GOLGA4: variants seen among roughly 807,000 people sequenced by gnomAD.
The protein encoded by GOLGA4 is golgin A4.
In GOLGA4, 169 loss-of-function variants were observed where a neutral mutation model predicts 265.9. The ratio of observed to expected loss-of-function variants is 0.64; its 90% CI spans 0.56 to 0.72. The LOEUF (loss-of-function observed/expected upper bound fraction) is 0.72. GOLGA4 is among the 30% of genes least tolerant of loss of function. The pLI is 0.00. For synonymous variants in GOLGA4, 923 were observed against 855.8 expected (o/e 1.08, Z -1.37); for missense variants, 2,482 against 2,483.4 (o/e 1.00, Z 0.01).
chr3:37,357,099 T>TA (rs200987645), intron 22 of GOLGA4, among the ~76,000 whole-genome samples: 32 of 151,394 alleles, frequency 2.1e-4, no homozygotes, highest in African/African-American at 6.8e-4. Flanking sequence ...AAGTTTAACT[T>TA]AAAAAAAAAG....
chr3:37,363,676 C>T (rs1696516553), intron 23 of GOLGA4, among the ~76,000 whole-genome samples: 1 of 152,200 alleles, frequency 6.6e-6, no homozygotes, highest in Non-Finnish European at 1.5e-5. Context: ...CATTTTTCTA[C>T]ATACAGTACA....
At chr3:37,300,176 G>A (rs2096889038) in intron 9 of GOLGA4, among the ~76,000 whole-genome samples, 2 of 152,204 alleles carry the variant, frequency 1.3e-5, no homozygotes, top group East Asian at 3.8e-4. Context: ...TCTTACCTTT[G>A]GTAGTTTGGA....
chr3:37,258,282 GATATATATAGAGCATAT>G (rs2096759844), intron 2 of GOLGA4, among the ~76,000 whole-genome samples: 1 of 147,758 alleles, frequency 6.8e-6, no homozygotes, highest in Non-Finnish European at 1.5e-5. Context: ...GCATATATAT[GATATATATAGAGCATAT>G]ATATATATAG....
At chr3:37,365,440 G>A (rs1696675684) in intron 23 of GOLGA4, among the ~76,000 whole-genome samples, 1 of 151,986 alleles carries the variant, frequency 6.6e-6, no homozygotes. Flanking sequence ...TAATTTTTTT[G>A]TATTTTTAGT....
chr3:37,283,729 G>A (rs76480112), intron 3 of GOLGA4, among the ~76,000 whole-genome samples: 96 of 152,174 alleles, frequency 6.3e-4, no homozygotes, highest in African/African-American at 2.0e-3. Context: ...GTTTTGCTAT[G>A]TTGCCCAGCC....
chr3:37,347,500 A>AGT (rs2097059996), intron 21 of GOLGA4, among the ~76,000 whole-genome samples: 1 of 152,190 alleles, frequency 6.6e-6, no homozygotes, highest in Non-Finnish European at 1.5e-5. Context: ...ATAAAACATT[A>AGT]ATTTTGAAAA....
chr3:37,252,411 C>T (rs1388060239), intron 2 of GOLGA4, among the ~76,000 whole-genome samples: 3 of 150,148 alleles, frequency 2.0e-5, no homozygotes, highest in Non-Finnish European at 3.0e-5. Context: ...CAGGTTTTGG[C>T]TACTATGAAT....
At chr3:37,349,634 T>A (rs969958123) in intron 21 of GOLGA4, among the ~76,000 whole-genome samples, 6 of 152,066 alleles carry the variant, frequency 3.9e-5, no homozygotes, top group Non-Finnish European at 8.8e-5. Context: ...GCCCTGAAAA[T>A]TTTCAAGTAG....
intron 8 of GOLGA4, 27 bp from the exon 9 acceptor site, chr3:37,299,261 G>T (rs1405974439): frequency 5.0e-6 from 7 of 1,406,718 alleles, no homozygotes; most frequent in Non-Finnish European, 7.0e-6. Context: ...TATTAGAGAT[G>T]GAAATGAATT....
At chr3:37,355,231 C>A in intron 22 of GOLGA4, 44 bp downstream of exon 22, 1 of 980,220 alleles carries the variant, frequency 1.0e-6, no homozygotes, top group Non-Finnish European at 1.7e-6. Context: ...GATTTCCCAT[C>A]TGTTTATATT....
intron 2 of GOLGA4, among the ~76,000 whole-genome samples, chr3:37,281,239 T>C (rs2096833835): frequency 6.6e-6 from 1 of 152,248 alleles, no homozygotes; most frequent in South Asian, 2.1e-4. Flanking sequence ...CTGTCTAACA[T>C]TGGAGTTACT....
chr3:37,276,144 C>T (rs2096817703), intron 2 of GOLGA4: 3 of 1,606,262 alleles, frequency 1.9e-6, no homozygotes, highest in Non-Finnish European at 2.6e-6. Context: ...CTTGCTGCAG[C>T]TCTTCGAACA....
chr3:37,250,946 A>G (rs1415656244), intron 1 of GOLGA4, among the ~76,000 whole-genome samples: 1 of 152,178 alleles, frequency 6.6e-6, no homozygotes, highest in Non-Finnish European at 1.5e-5. Context: ...TGTTAGAGCT[A>G]GAAGGTAGAA....
At chr3:37,349,586 G>A (rs562150407) in intron 21 of GOLGA4, among the ~76,000 whole-genome samples, 4 of 152,108 alleles carry the variant, frequency 2.6e-5, no homozygotes, top group Non-Finnish European at 5.9e-5. Flanking sequence ...GGCCTTGAAT[G>A]TTTTCAGAGT....
In GOLGA4 at chr3:37,244,498, A is replaced by C. The variant is rs576198104; in HGVS notation, c.72+876A>C. 6.7e-4 allele frequency among the ~76,000 whole-genome samples: 102 copies of C among 152,322 alleles called. No individual in the cohort carries two copies. In the Middle Eastern group the frequency reaches 0.014, roughly 20 times the overall value. ...TTCGATGCTGGCAGCACAGGGTCTT[A>C]ACAGCGAAGACGTCGGTTTCTGCTT... On this transcript the variant is annotated intron_variant, in intron 1 of 23. Coordinates refer to ENST00000361924, the MANE Select transcript of GOLGA4 (RefSeq NM_002078.5).
chr3:37,345,481 T>C (rs908112320), intron 20 of GOLGA4, among the ~76,000 whole-genome samples: 3 of 152,190 alleles, frequency 2.0e-5, no homozygotes, highest in East Asian at 1.9e-4. Context: ...TGCTGAGTGA[T>C]ACCTAGACGA....
chr3:37,277,654 T>G (rs1014146649), intron 2 of GOLGA4, among the ~76,000 whole-genome samples: 7 of 152,200 alleles, frequency 4.6e-5, no homozygotes, highest in African/African-American at 1.4e-4. Context: ...ACTGAATATA[T>G]GGGCTATAGC....
intron 22 of GOLGA4, among the ~76,000 whole-genome samples, chr3:37,358,276 C>A (rs1332284967): frequency 6.6e-6 from 1 of 152,156 alleles, no homozygotes; most frequent in South Asian, 2.1e-4. Flanking sequence ...TCTATGACTG[C>A]TGGTGAGGTA....
intron 21 of GOLGA4, among the ~76,000 whole-genome samples, chr3:37,353,402 A>G (rs1286738223): frequency 6.6e-6 from 1 of 152,130 alleles, no homozygotes; most frequent in Admixed American, 6.6e-5. Flanking sequence ...GCGCAATAGA[A>G]TGAGGTTTGC....
Sources: gnomAD v4.1 joint callset for allele counts (sites outside exome capture counted in the v4.1 genomes callset) on GRCh38, gnomAD v4.1.1 for gene constraint, MANE v1.5 for transcripts, NCBI Gene and HGNC (gene_info 2026-07-23, HGNC 2026-07-21) for gene names.